SEMA3E: variants seen among roughly 807,000 people sequenced by gnomAD.
SEMA3E encodes semaphorin-3E.
Under a neutral mutation model 93.6 loss-of-function variants are expected in SEMA3E, and 49 were observed. The ratio of observed to expected loss-of-function variants is 0.52; its 90% CI spans 0.42 to 0.66. SEMA3E has a LOEUF of 0.66. Among genes scored for constraint, SEMA3E ranks in the 30% least tolerant of loss-of-function variants. The pLI, the probability that SEMA3E is intolerant of heterozygous loss-of-function variation, is 0.00. For synonymous variants in SEMA3E, 363 were observed against 330.7 expected (o/e 1.10, Z -1.06); for missense variants, 906 against 964.8 (o/e 0.94, Z 0.81).
intron 1 of SEMA3E, among the ~76,000 whole-genome samples, chr7:83,556,543 T>C (rs1222187088): frequency 6.6e-6 from 1 of 152,186 alleles, no homozygotes. Flanking sequence ...AAGTTGTCAA[T>C]TTTAATGACT....
At chr7:83,378,241 A>G (rs1787696169) in intron 16 of SEMA3E, among the ~76,000 whole-genome samples, 2 of 151,926 alleles carry the variant, frequency 1.3e-5, no homozygotes, top group South Asian at 4.1e-4. Flanking sequence ...ATCCACATAA[A>G]TGAATCATTT....
intron 16 of SEMA3E, among the ~76,000 whole-genome samples, chr7:83,373,286 T>C (rs975192284): frequency 2.0e-5 from 3 of 152,140 alleles, no homozygotes; most frequent in Non-Finnish European, 4.4e-5. Context: ...ATTGATTTAG[T>C]TGAGAATACA....
chr7:83,481,577 G>C (rs1185683144), intron 2 of SEMA3E, among the ~76,000 whole-genome samples: 1 of 152,104 alleles, frequency 6.6e-6, no homozygotes, highest in East Asian at 1.9e-4. Context: ...TTACTAAATT[G>C]GAAGTTTTAG....
At position 83,441,986 on chromosome 7, in the gene SEMA3E, C is replaced by T. The variant is rs116182451; in HGVS notation, c.457-23503G>A. Among the ~76,000 whole-genome samples, 750 of 152,204 alleles carry T rather than the reference C, an allele frequency of 4.9e-3. 6 individuals carry two copies. Among genetic ancestry groups the T allele is most frequent in the African/African-American group, 0.017 (705 of 41,546 alleles). The stretch of plus-strand genomic sequence containing the variant: ...TTCTTTACAAAGAGGAAGGCAAAAA[C>T]TTGCATAACTATAAATGAATGAAGC... On this transcript the variant is annotated intron_variant, in intron 4 of 16. Transcript: ENST00000643230.
Position 83,367,870 on chromosome 7 carries a change from A to G in SEMA3E, c.2044T>C (p.Phe682Leu). The change falls in exon 17 of 17, where the codon TTT becomes CTT. Residue 682 changes from phenylalanine (F) to leucine (L), a missense_variant. Physicochemically the swap from Phe to Leu is conservative, Grantham distance 22 (BLOSUM62 0). Coordinates refer to ENST00000643230, the MANE Select transcript of SEMA3E (RefSeq NM_012431.3). ...VVEEEKVEDM[F>L]NKDDEEDRHH... ...CTGTCCTCCTCATCGTCCTTGTTAA[A>G]CATATCCTCGACTTTCTCCTCTTCC... 6.2e-7 allele frequency: 1 copy of G among 1,612,010 alleles called. No homozygotes were observed. Among genetic ancestry groups the G allele is most frequent in the Non-Finnish European group, 8.5e-7 (1 of 1,178,552 alleles).
chr7:83,557,534 T>G (rs756823648), intron 1 of SEMA3E, among the ~76,000 whole-genome samples: 5 of 152,030 alleles, frequency 3.3e-5, no homozygotes, highest in Non-Finnish European at 7.4e-5. Flanking sequence ...CAAAGATCTT[T>G]TCATTAATAT....
rs1794816674 is a variant in SEMA3E, at chr7:83,375,941, C to G, written c.1876-7903G>C. On this transcript the variant is annotated intron_variant, in intron 16 of 16. Coordinates refer to ENST00000643230, the MANE Select transcript of SEMA3E (RefSeq NM_012431.3). Reference sequence around the variant, plus strand: ...AAACATGAAATTAATGGGCTAGCCTCCTAATTATTGTGCAACTAAAAAATG... The same window carrying G: ...AAACATGAAATTAATGGGCTAGCCTGCTAATTATTGTGCAACTAAAAAATG... Among the ~76,000 whole-genome samples, 3 of 151,844 alleles carry G rather than the reference C, an allele frequency of 2.0e-5. No homozygotes were observed. In the South Asian group the frequency reaches 6.2e-4, roughly 31 times the overall value.
intron 1 of SEMA3E, among the ~76,000 whole-genome samples, chr7:83,506,511 A>AT (rs1310994593): frequency 1.3e-5 from 2 of 151,928 alleles, no homozygotes; most frequent in African/African-American, 2.4e-5. Flanking sequence ...TGGTTAATGG[A>AT]TAAAAAAAAA....
chr7:83,521,225 T>C lies in SEMA3E; in HGVS notation c.116-30951A>G, dbSNP rs148958669. ...TCCTGCAGTGTCTTAGAGACCAGAC[T>C]CTCCCAGGATGCAAGGAAATCATGG... On this transcript the variant is annotated intron_variant, in intron 1 of 16. Coordinates refer to ENST00000643230, the MANE Select transcript of SEMA3E (RefSeq NM_012431.3). 6.8e-3 allele frequency among the ~76,000 whole-genome samples: 1,031 copies of C among 152,068 alleles called. 5 individuals are homozygous for C. The highest frequency in any genetic ancestry group is 0.014 in the Middle Eastern group (4 of 294).
intron 2 of SEMA3E, among the ~76,000 whole-genome samples, chr7:83,484,737 A>C (rs2115955949): frequency 6.6e-6 from 1 of 152,196 alleles, no homozygotes; most frequent in South Asian, 2.1e-4. Context: ...TTATAATATT[A>C]TTTTATTTTT....
chr7:83,383,735 T>C (rs1023045351), intron 16 of SEMA3E, among the ~76,000 whole-genome samples: 1 of 152,012 alleles, frequency 6.6e-6, no homozygotes, highest in South Asian at 2.1e-4. Context: ...GCATGTCAAA[T>C]GATTTGGTAA....
intron 4 of SEMA3E, 21 bp downstream of exon 4, chr7:83,466,461 G>T: frequency 6.2e-7 from 1 of 1,612,934 alleles, no homozygotes. Flanking sequence ...TTTATTGACA[G>T]CAATGAATGA....
chr7:83,564,523 A>G (rs1584333939), intron 1 of SEMA3E, among the ~76,000 whole-genome samples: 2 of 152,324 alleles, frequency 1.3e-5, no homozygotes, highest in African/African-American at 4.8e-5. Context: ...ATATTTTAAA[A>G]AGTTTTCCAT....
chr7:83,559,365 G>T (rs1479412321), intron 1 of SEMA3E, among the ~76,000 whole-genome samples: 1 of 152,032 alleles, frequency 6.6e-6, no homozygotes, highest in East Asian at 1.9e-4. Context: ...AATATTCTAA[G>T]TATTATTACT....
At chr7:83,542,713 T>C (rs10429122) in intron 1 of SEMA3E, among the ~76,000 whole-genome samples, 33,437 of 151,936 alleles carry the variant, frequency 0.22, 3,835 homozygotes, top group East Asian at 0.39. Flanking sequence ...TTCTTCCCTT[T>C]TCCTTCCAGT....
rs115366478 is a variant in SEMA3E at position 83,602,257 on chromosome 7, G to A, written c.115+46171C>T. On this transcript the variant is annotated intron_variant, in intron 1 of 16. Transcript: ENST00000643230. The stretch of plus-strand genomic sequence containing the variant: ...AAGTAGATAACACCAATAAGACAAA[G>A]CTAGGAAATGTGAGAAAAACAAGTC... Among the ~76,000 whole-genome samples the A allele has an allele frequency of 5.8e-3, 890 of 152,238 alleles. 9 individuals carry two copies. The highest frequency in any genetic ancestry group is 0.02 in the African/African-American group (850 of 41,550).
In SEMA3E at chr7:83,396,640, T is replaced by C. The variant is rs1376261353; in HGVS notation, c.1456A>G (p.Lys486Glu). The C allele has an allele frequency of 6.3e-7, 1 of 1,591,384 alleles. No individual in the cohort carries two copies. Among genetic ancestry groups the C allele is most frequent in the African/African-American group, 1.3e-5 (1 of 74,540 alleles). The change falls in exon 12 of 17, where the codon AAG becomes GAG. Residue 486 changes from lysine to glutamate, a missense_variant and splice_region_variant. Lys to Glu is a moderately conservative substitution (Grantham distance 56, BLOSUM62 1). Coordinates refer to ENST00000643230, the MANE Select transcript of SEMA3E (RefSeq NM_012431.3). ...EVILEELQIF[K>E]DPVPIISMEI... ...TCTGTATTTTTTGCTTTAAATACCTTGAATATCTGAAGTTCTTCTAGAATT... is the reference window on the plus strand; with the variant it reads ...TCTGTATTTTTTGCTTTAAATACCTCGAATATCTGAAGTTCTTCTAGAATT...
intron 13 of SEMA3E, among the ~76,000 whole-genome samples, chr7:83,393,257 C>T (rs1202864800): frequency 1.3e-5 from 2 of 151,814 alleles, no homozygotes; most frequent in African/African-American, 4.8e-5. Flanking sequence ...TGGGTTTATG[C>T]CTGTAGTGGC....
chr7:83,619,261 C>A (rs1793493774), intron 1 of SEMA3E, among the ~76,000 whole-genome samples: 1 of 151,360 alleles, frequency 6.6e-6, no homozygotes, highest in Non-Finnish European at 1.5e-5. Flanking sequence ...CTTTGATTTG[C>A]CAAACTTAGC....
Sources: gnomAD v4.1 joint callset for allele counts (sites outside exome capture counted in the v4.1 genomes callset) on GRCh38, gnomAD v4.1.1 for gene constraint, MANE v1.5 for transcripts, NCBI Gene and HGNC (gene_info 2026-07-23, HGNC 2026-07-21) for gene names.